The following CLCN1 variants were observed in gnomAD, a reference collection of about 807,000 sequenced individuals.
The protein encoded by CLCN1 is chloride channel protein 1.
CLCN1 carries 100 observed loss-of-function variants against 114.5 expected under a neutral mutation model. The ratio of observed to expected loss-of-function variants is 0.87; its 90% CI spans 0.74 to 1.03. The LOEUF (loss-of-function observed/expected upper bound fraction) is 1.03, where lower values mean the gene tolerates loss of function less well. Among genes scored for constraint, CLCN1 ranks in the 50% least tolerant of loss-of-function variants. The probability of loss-of-function intolerance (pLI) is 0.00; values close to 1 mark genes in which losing one functional copy is unlikely to be tolerated. For synonymous variants in CLCN1, 485 were observed against 487.1 expected, an observed-to-expected ratio of 1.00 and a Z score of 0.06; for missense variants, 1,188 against 1,250.0, an observed-to-expected ratio of 0.95 and a Z score of 0.75.
chr7:143,323,555 C>T, intron 6 of CLCN1, 169 bp downstream of exon 6: 6 of 710,806 alleles, frequency 8.4e-6, no homozygotes, highest in South Asian at 3.0e-5. Context: ...ACCCTGGCCA[C>T]GTGATGCCTC....
Position 143,339,721 on chromosome 7 carries a change from G to A in CLCN1, c.1582+100G>A, listed in dbSNP as rs896047150. The A allele has an allele frequency of 2.1e-5, 17 of 810,232 alleles. No homozygotes were observed. Among genetic ancestry groups the A allele is most frequent in the African/African-American group, 5.0e-5 (3 of 59,678 alleles). 50.2% of individuals were successfully genotyped at this position (810,232 alleles called of 1,614,324 possible). On this transcript the variant is annotated intron_variant, in intron 14 of 22. Coordinates refer to ENST00000343257, the MANE Select transcript of CLCN1 (RefSeq NM_000083.3). The surrounding 1 kb of genome is among the most constrained non-coding windows in gnomAD (Gnocchi z 4.1). ...ATCTTCATTCTAGGCTACACAATACGGTTTTAATTTAGTGCTACTTAACTC... is the reference window on the plus strand; with the variant it reads ...ATCTTCATTCTAGGCTACACAATACAGTTTTAATTTAGTGCTACTTAACTC...
At chr7:143,344,747 C>T (rs1443725546) in intron 16 of CLCN1, among the ~76,000 whole-genome samples, 2 of 121,804 alleles carry the variant, frequency 1.6e-5, no homozygotes, top group Admixed American at 2.0e-4. Context: ...TTTATCCTAG[C>T]AGGGTTTTTT....
intron 20 of CLCN1, 105 bp downstream of exon 20, chr7:143,347,054 T>A: frequency 9.7e-7 from 1 of 1,031,912 alleles, no homozygotes; most frequent in Non-Finnish European, 1.5e-6. Context: ...TAGAATGTGG[T>A]CTGGATGGGA....
intron 1 of CLCN1, among the ~76,000 whole-genome samples, chr7:143,318,809 G>T (rs1218524491): frequency 6.6e-6 from 1 of 152,188 alleles, no homozygotes; most frequent in Non-Finnish European, 1.5e-5. Context: ...AGGAAACACT[G>T]CCTCCCTCGG....
chr7:143,318,063 A>G (rs1184068876), intron 1 of CLCN1, among the ~76,000 whole-genome samples: 1 of 152,154 alleles, frequency 6.6e-6, no homozygotes, highest in Non-Finnish European at 1.5e-5. Flanking sequence ...TTCTTTGTTT[A>G]ATTTTTATTA....
chr7:143,341,348 CA>C (rs1335633366), intron 14 of CLCN1, among the ~76,000 whole-genome samples: 1 of 151,994 alleles, frequency 6.6e-6, no homozygotes, highest in Non-Finnish European at 1.5e-5. Context: ...CACTTGAGGC[CA>C]GGAATTCGAG....
chr7:143,322,219 T>C (rs1802459295), intron 5 of CLCN1, among the ~76,000 whole-genome samples: 4 of 152,200 alleles, frequency 2.6e-5, no homozygotes, highest in African/African-American at 9.7e-5. Flanking sequence ...TCCTCAGACA[T>C]TGCCATATGG....
At chr7:143,331,910 C>G (rs1036279196) in intron 10 of CLCN1, among the ~76,000 whole-genome samples, 3 of 152,152 alleles carry the variant, frequency 2.0e-5, no homozygotes, top group African/African-American at 4.8e-5. Context: ...CTCACTGTAA[C>G]CTCTGCCTCC....
At chr7:143,333,626 A>G (rs1802791563) in intron 12 of CLCN1, among the ~76,000 whole-genome samples, 1 of 152,148 alleles carries the variant, frequency 6.6e-6, no homozygotes, top group Non-Finnish European at 1.5e-5. Context: ...GGTTTTGTAG[A>G]TAATCTCTTT....
chr7:143,328,505 GCATA>G (rs1802636038), intron 7 of CLCN1, among the ~76,000 whole-genome samples: 1 of 152,194 alleles, frequency 6.6e-6, no homozygotes, highest in Admixed American at 6.5e-5. Flanking sequence ...TCATTCCGGA[GCATA>G]CAGTGACAGA....
rs147210940 is a variant in CLCN1 at position 143,338,724 on chromosome 7, T to C, written c.1402-529T>C. On this transcript the variant is annotated intron_variant, in intron 12 of 22. Transcript: ENST00000343257. ...ATAGCTTGGACTTCAGAGGCGGAGG[T>C]TGCAGTGAGCCAAGATCATGGTACT... is the stretch of plus-strand genomic sequence containing the variant. Among the ~76,000 whole-genome samples the C allele has an allele frequency of 6.6e-3, 990 of 149,852 alleles. 16 individuals are homozygous for C. Among genetic ancestry groups the C allele is most frequent in the African/African-American group, 0.023 (943 of 40,568 alleles).
chr7:143,344,690 T>G (rs2116380767), intron 16 of CLCN1, among the ~76,000 whole-genome samples: 1 of 152,048 alleles, frequency 6.6e-6, no homozygotes, highest in Middle Eastern at 3.4e-3. Flanking sequence ...GTAGCAAAAT[T>G]TCTATAATCA....
intron 3 of CLCN1, 111 bp downstream of exon 3, chr7:143,320,906 A>G (rs1802412882): frequency 7.6e-7 from 1 of 1,319,464 alleles, no homozygotes. Flanking sequence ...TGGGAAGCGA[A>G]TATTGCGCAG....
In CLCN1 at chr7:143,351,614, G is replaced by C; in HGVS notation, c.2616G>C (p.Gly872=). Residue 872 remains glycine, a synonymous_variant, in exon 23 of 23, where the codon GGG becomes GGC. Transcript: ENST00000343257. ...TTCAGCTACAGAAGGCCATTGAGGG[G>C]CACACCAAGTCTGGGGTGCAGCTCC... ...ALEELQKAIE[G]HTKSGVQLRP... is the part of the protein sequence containing the mutation. 6.2e-7 allele frequency: 1 copy of C among 1,613,956 alleles called. No homozygotes were observed.
chr7:143,323,468 C>T, intron 6 of CLCN1, 82 bp downstream of exon 6: 2 of 970,212 alleles, frequency 2.1e-6, no homozygotes, highest in Non-Finnish European at 1.7e-6. Flanking sequence ...GGAGGGCTGC[C>T]TCTGCTCTGG....
intron 2 of CLCN1, 111 bp from the exon 3 acceptor site, chr7:143,320,553 T>TTCTCTCTCTCTCTCTCTCTCTCTC (rs59572880): frequency 1.6e-6 from 1 of 621,780 alleles, no homozygotes; most frequent in South Asian, 1.8e-5. Context: ...TTAGCTGCTT[T>TTCTCTCTCTCTCTCTCTCTCTCTC]TCTCTCTCTC....
intron 12 of CLCN1, among the ~76,000 whole-genome samples, chr7:143,336,736 A>T (rs1054825602): frequency 3.3e-5 from 5 of 152,064 alleles, no homozygotes; most frequent in Non-Finnish European, 5.9e-5. Flanking sequence ...CTTTTCTTTC[A>T]CGTGCCAATA....
intron 16 of CLCN1, 121 bp downstream of exon 16, chr7:143,342,626 A>C: frequency 1.0e-6 from 1 of 994,124 alleles, no homozygotes; most frequent in East Asian, 2.6e-5. Context: ...GCTATGTACA[A>C]GGAAGGAAAA....
At chr7:143,340,381 G>T (rs775262942) in intron 14 of CLCN1, among the ~76,000 whole-genome samples, 1 of 152,064 alleles carries the variant, frequency 6.6e-6, no homozygotes, top group South Asian at 2.1e-4. Flanking sequence ...ACATTTCCTT[G>T]TATGCACGTC....
Sources: gnomAD v4.1 joint callset for allele counts (sites outside exome capture counted in the v4.1 genomes callset) on GRCh38, gnomAD v4.1.1 for gene constraint, Gnocchi (gnomAD v3.1) non-coding constraint, MANE v1.5 for transcripts, NCBI Gene and HGNC (gene_info 2026-07-23, HGNC 2026-07-21) for gene names.